The following CCDC181 variants were observed in gnomAD, a reference collection of about 807,000 sequenced individuals.
The protein encoded by CCDC181 is coiled-coil domain containing 181.
In CCDC181, 35 loss-of-function variants were observed where a neutral mutation model predicts 58.7. The ratio of observed to expected loss-of-function variants is 0.60; its 90% CI spans 0.46 to 0.79. The LOEUF (loss-of-function observed/expected upper bound fraction) is 0.79, where lower values mean the gene tolerates loss of function less well. CCDC181 is among the 30% of genes least tolerant of loss of function. CCDC181 has a pLI of 0.00. For synonymous variants in CCDC181, 183 were observed against 197.5 expected, an observed-to-expected ratio of 0.93 and a Z score of 0.62; for missense variants, 517 against 583.9, an observed-to-expected ratio of 0.89 and a Z score of 1.18.
chr1:169,411,930 T>C (rs995658386), intron 4 of CCDC181, among the ~76,000 whole-genome samples: 9 of 152,280 alleles, frequency 5.9e-5, no homozygotes, highest in African/African-American at 1.7e-4. Context: ...TCATACTGAA[T>C]GGGCAAAAGC....
chr1:169,408,215 C>T (rs373054725), intron 4 of CCDC181, among the ~76,000 whole-genome samples: 9 of 152,312 alleles, frequency 5.9e-5, no homozygotes, highest in East Asian at 5.8e-4. Flanking sequence ...CGACCTGGGA[C>T]GCTCGAGCTT....
chr1:169,398,416 A>G (rs891627631), intron 4 of CCDC181, among the ~76,000 whole-genome samples: 8 of 152,258 alleles, frequency 5.3e-5, no homozygotes, highest in Non-Finnish European at 1.0e-4. Flanking sequence ...TGTCAATTAA[A>G]TACAATTTTA....
At chr1:169,401,382 A>G (rs1311528438) in intron 4 of CCDC181, among the ~76,000 whole-genome samples, 1 of 152,228 alleles carries the variant, frequency 6.6e-6, no homozygotes, top group African/African-American at 2.4e-5. Context: ...AAGTAGGCTA[A>G]CTGGGAGACA....
At chr1:169,459,525 T>C (rs1447406766) in intron 2 of CCDC181, among the ~76,000 whole-genome samples, 1 of 152,068 alleles carries the variant, frequency 6.6e-6, no homozygotes, top group African/African-American at 2.4e-5. Flanking sequence ...TATTTAGGTA[T>C]GGTATTTATA....
intron 2 of CCDC181, among the ~76,000 whole-genome samples, chr1:169,423,309 A>C (rs1033709945): frequency 1.3e-5 from 2 of 151,880 alleles, no homozygotes; most frequent in Admixed American, 6.6e-5. Context: ...TCTGTATCAC[A>C]AGTGTTCATT....
chr1:169,418,981 A>G (rs1656336754), intron 4 of CCDC181, 32 bp downstream of exon 4: 1 of 1,540,000 alleles, frequency 6.5e-7, no homozygotes, highest in Non-Finnish European at 9.0e-7. Flanking sequence ...TCATATCTGT[A>G]TGAACTTATT....
intron 2 of CCDC181, among the ~76,000 whole-genome samples, chr1:169,435,822 T>G (rs986727025): frequency 1.1e-4 from 17 of 152,344 alleles, no homozygotes; most frequent in African/African-American, 4.1e-4. Context: ...TTTTTTAACT[T>G]ATGAAAGGTT....
chr1:169,432,412 G>T (rs1057092882), upstream of CCDC181, among the ~76,000 whole-genome samples: 3 of 152,088 alleles, frequency 2.0e-5, no homozygotes, highest in African/African-American at 7.2e-5. Context: ...GAAAGAAGTA[G>T]TATGATAATT....
intron 2 of CCDC181, chr1:169,459,693 A>G (rs1362913148): frequency 1.3e-5 from 2 of 152,096 alleles, no homozygotes; most frequent in Admixed American, 1.3e-4. Context: ...CACTATGGCT[A>G]TTCTCTGGGA....
At chr1:169,450,476 T>C (rs781362600) in intron 2 of CCDC181, among the ~76,000 whole-genome samples, 7 of 152,192 alleles carry the variant, frequency 4.6e-5, no homozygotes, top group Non-Finnish European at 1.0e-4. Flanking sequence ...CGTTATGGTA[T>C]GTATCAGTAT....
At chr1:169,396,405 A>G (rs1571454260) in intron 5 of CCDC181, 1 of 152,076 alleles carries the variant, frequency 6.6e-6, no homozygotes, top group South Asian at 2.1e-4. Context: ...AAAATATAAA[A>G]ATTAGCCAGG....
chr1:169,418,918 C>T lies in CCDC181; in HGVS notation c.1215+95G>A, dbSNP rs1323505215. On this transcript the variant is annotated intron_variant, in intron 4 of 5. Coordinates refer to ENST00000367806, the MANE Select transcript of CCDC181 (RefSeq NM_001300969.2). ...TTCTTGAACAACTTTTCTACTTCTT[C>T]CATAGGCTGTTAGTCTGATATCCAG... 6.1e-6 allele frequency: 6 copies of T among 984,194 alleles called. No homozygotes were observed. In the African/African-American group the frequency reaches 6.6e-5, roughly 11 times the overall value. 61.0% of individuals were successfully genotyped at this position (984,194 alleles called of 1,614,324 possible).
intron 3 of CCDC181, 38 bp downstream of exon 3, chr1:169,421,325 T>A: frequency 6.9e-7 from 1 of 1,451,386 alleles, no homozygotes. Context: ...CAGTAAAACA[T>A]ACTCTACTTT....
intron 4 of CCDC181, among the ~76,000 whole-genome samples, chr1:169,401,270 C>T (rs187397579): frequency 1.3e-5 from 2 of 152,316 alleles, no homozygotes; most frequent in East Asian, 1.9e-4. Context: ...CAGACTTAAA[C>T]GTCCCAGTCT....
intron 4 of CCDC181, among the ~76,000 whole-genome samples, chr1:169,404,711 A>G (rs901171281): frequency 1.3e-5 from 2 of 152,240 alleles, no homozygotes; most frequent in East Asian, 3.8e-4. Context: ...ATCATAGTGA[A>G]TGGGCAAAAC....
chr1:169,413,980 G>A (rs1043130322), intron 4 of CCDC181, among the ~76,000 whole-genome samples: 10 of 151,608 alleles, frequency 6.6e-5, no homozygotes, highest in Admixed American at 6.6e-4. Flanking sequence ...TAACAAACCT[G>A]CACTTTCTGC....
chr1:169,420,175 C>T (rs1656394391), intron 3 of CCDC181, among the ~76,000 whole-genome samples: 2 of 152,172 alleles, frequency 1.3e-5, no homozygotes. Flanking sequence ...CATACCTACA[C>T]ATTTGTGTAT....
At chr1:169,402,753 G>A (rs367977680) in intron 4 of CCDC181, among the ~76,000 whole-genome samples, 1 of 152,090 alleles carries the variant, frequency 6.6e-6, no homozygotes, top group African/African-American at 2.4e-5. Context: ...ATCAACTAAC[G>A]AGCAAAATAA....
At chr1:169,418,836 A>G (rs775632634) in intron 4 of CCDC181, 177 bp downstream of exon 4, 4 of 526,772 alleles carry the variant, frequency 7.6e-6, no homozygotes, top group Non-Finnish European at 1.3e-5. Context: ...TTATTTTCAC[A>G]AGACCTCTTA....
Sources: gnomAD v4.1 joint callset for allele counts (sites outside exome capture counted in the v4.1 genomes callset) on GRCh38, gnomAD v4.1.1 for gene constraint, MANE v1.5 for transcripts, NCBI Gene and HGNC (gene_info 2026-07-23, HGNC 2026-07-21) for gene names.